PTPN6: variants seen among roughly 807,000 people sequenced by gnomAD.
The protein encoded by PTPN6 is tyrosine-protein phosphatase non-receptor type 6.
PTPN6 carries 18 observed loss-of-function variants against 81.5 expected under a neutral mutation model. That is an observed-to-expected ratio of 0.22 (90% CI 0.15 to 0.33). PTPN6 has a LOEUF of 0.33. Among genes scored for constraint, PTPN6 ranks in the 10% least tolerant of loss-of-function variants. PTPN6 has a pLI of 1.00. For missense variants in PTPN6, 500 were observed against 794.2 expected (o/e 0.63, Z 4.45); for synonymous variants, 301 against 310.9 (o/e 0.97, Z 0.33).
chr12:6,954,592 G>T lies in PTPN6; in HGVS notation c.327-213G>T, dbSNP rs56212533. ...CTAGGCCAGTGAGTAACAGCTCAGC[G>T]TCAGTTTCCTCATCTATAAAATGGG... On this transcript the variant is annotated intron_variant, in intron 3 of 15. Coordinates refer to ENST00000318974, the MANE Select transcript of PTPN6 (RefSeq NM_002831.6). The surrounding 1 kb of genome is among the most constrained non-coding windows in gnomAD (Gnocchi z 5.4). Among the ~76,000 whole-genome samples, 1 of 152,084 alleles carries T rather than the reference G, an allele frequency of 6.6e-6. No individual in the cohort carries two copies. Among genetic ancestry groups the T allele is most frequent in the South Asian group, 2.1e-4 (1 of 4,838 alleles).
upstream of PTPN6, among the ~76,000 whole-genome samples, chr12:6,949,638 C>A (rs1759439815): frequency 6.6e-6 from 1 of 152,032 alleles, no homozygotes; most frequent in African/African-American, 2.4e-5. Flanking sequence ...GCACTGAAAC[C>A]CTGCCACTTA....
chr12:6,950,965 C>T (rs1222392284), upstream of PTPN6, among the ~76,000 whole-genome samples: 1 of 152,182 alleles, frequency 6.6e-6, no homozygotes, highest in Admixed American at 6.5e-5. Context: ...TATAGCACAG[C>T]GCCCGGCATC....
chr12:6,949,920 T>C (rs1435206422), upstream of PTPN6, among the ~76,000 whole-genome samples: 1 of 143,012 alleles, frequency 7.0e-6, no homozygotes, highest in Non-Finnish European at 1.5e-5. Flanking sequence ...AAGCTGGGAT[T>C]ACAGGCATGT....
At position 6,960,662 on chromosome 12, in the gene PTPN6, G is replaced by A. The variant is rs1946122034; in HGVS notation, c.1674-144G>A. The A allele has an allele frequency of 6.5e-7, 1 of 1,550,368 alleles. No homozygotes were observed. The highest frequency in any genetic ancestry group is 8.7e-7 in the Non-Finnish European group (1 of 1,145,988). On this transcript the variant is annotated intron_variant, in intron 14 of 15. Coordinates refer to ENST00000318974, the MANE Select transcript of PTPN6 (RefSeq NM_002831.6). The surrounding 1 kb of genome is among the most constrained non-coding windows in gnomAD (Gnocchi z 6.1). ...TATGAGATGTAGCCTCTGTCCTCTA[G>A]GAGCTTGGAGTCTAGTGCAGGGACC...
rs200447993 is a variant in PTPN6 at position 6,955,792 on chromosome 12, C to T, written c.844+36C>T. On this transcript the variant is annotated intron_variant, in intron 7 of 15. Transcript: ENST00000318974. The surrounding 1 kb of genome is among the most constrained non-coding windows in gnomAD (Gnocchi z 7.2). ...AGGCTGCCCCATTCACCCAGGATAC[C>T]GCCCCTGCCCCAGCTGCCTCCCCTC... 2.4e-3 allele frequency: 3,752 copies of T among 1,580,634 alleles called. 8 individuals are homozygous for T. The highest frequency in any genetic ancestry group is 2.8e-3 in the Non-Finnish European group (3,229 of 1,150,332).
At position 6,957,417 on chromosome 12, in the gene PTPN6, C is replaced by T. The variant is rs782491075; in HGVS notation, c.1075-237C>T. Among the ~76,000 whole-genome samples the T allele has an allele frequency of 2.0e-5, 3 of 152,350 alleles. No individual in the cohort carries two copies. The highest frequency in any genetic ancestry group is 1.3e-4 in the Admixed American group (2 of 15,312). On this transcript the variant is annotated intron_variant, in intron 9 of 15. Transcript: ENST00000318974. This position sits in a 1 kb window ranked among gnomAD's most constrained non-coding sequence, Gnocchi z 6.5. ...CACAGCTTCGGGGACAATGCCTGCC[C>T]TGGCAACGTTTGTTGAATGACAAAC...
Position 6,960,909 on chromosome 12 carries a change from A to G in PTPN6, c.1777A>G (p.Lys593Glu). 6.4e-7 allele frequency: 1 copy of G among 1,569,654 alleles called. No individual in the cohort carries two copies. Among genetic ancestry groups the G allele is most frequent in the African/African-American group, 1.4e-5 (1 of 73,982 alleles). The change falls in exon 15 of 16, where the codon AAG (lysine) becomes GAG (glutamate). Residue 593 changes from lysine to glutamate, a missense_variant. Around this residue, in one of 6 missense-constraint regions of PTPN6, gnomAD observed 56 missense variants for 56.4 expected, o/e 0.99. Transcript: ENST00000318974. The surrounding 1 kb of genome is among the most constrained non-coding windows in gnomAD (Gnocchi z 6.1). ...ADKEKSKGSL[K>E]RK Reference sequence around the variant, plus strand: ...CAAGGAGAAGAGCAAGGGTTCCCTCAAGAGGAAGTGAGCGGTGCTGTCCTC... The same window carrying G: ...CAAGGAGAAGAGCAAGGGTTCCCTCGAGAGGAAGTGAGCGGTGCTGTCCTC...
At chr12:6,948,160 G>A (rs1288695985), upstream of PTPN6, among the ~76,000 whole-genome samples, 1 of 152,034 alleles carries the variant, frequency 6.6e-6, no homozygotes, top group Non-Finnish European at 1.5e-5. Context: ...CAAGCATGTG[G>A]TAGTCCTAGC....
chr12:6,958,448 C>G (rs1946072574), intron 11 of PTPN6, among the ~76,000 whole-genome samples: 1 of 152,258 alleles, frequency 6.6e-6, no homozygotes, highest in Non-Finnish European at 1.5e-5. Flanking sequence ...CTCGAGGTCC[C>G]ATTCTGTTGG....
Position 6,952,591 on chromosome 12 carries a change from G to A in PTPN6, c.326+414G>A. 2 of 292,902 alleles carry A rather than the reference G, an allele frequency of 6.8e-6. No individual in the cohort carries two copies. The highest frequency in any genetic ancestry group is 6.7e-6 in the Non-Finnish European group (1 of 148,760). 18.1% of individuals were successfully genotyped at this position (292,902 alleles called of 1,614,324 possible). A position where few individuals can be genotyped will look rare whatever the true frequency, so the allele number is the denominator to read the frequency against. On this transcript the variant is annotated intron_variant, in intron 3 of 15. Coordinates refer to ENST00000318974, the MANE Select transcript of PTPN6 (RefSeq NM_002831.6). The surrounding 1 kb of genome is among the most constrained non-coding windows in gnomAD (Gnocchi z 8.1). The stretch of plus-strand genomic sequence containing the variant: ...CCCCAGCACATGTTAGGACAGTGAG[G>A]AGCTGACACTGGGGTGAAGATGGGG...
Position 6,954,949 on chromosome 12 carries a change from C to A in PTPN6, c.471C>A (p.Gly157=). The A allele has an allele frequency of 6.2e-7, 1 of 1,614,176 alleles. No homozygotes were observed. Among genetic ancestry groups the A allele is most frequent in the Non-Finnish European group, 8.5e-7 (1 of 1,180,034 alleles). The part of the protein sequence containing the change: ...LSVLSDQPKA[G]PGSPLRVTHI... ...TGCTCAGTGACCAGCCCAAGGCTGG[C>A]CCAGGCTCCCCGCTCAGGGTCACCC... Residue 157 remains glycine, a synonymous_variant, in exon 4 of 16, where the codon GGC becomes GGA. Transcript: ENST00000318974. This position sits in a 1 kb window ranked among gnomAD's most constrained non-coding sequence, Gnocchi z 5.4.
chr12:6,959,773 A>T lies in PTPN6; in HGVS notation c.1362-154A>T. Reference sequence around the variant, plus strand: ...TCCATGCAGAGCTGGGCAAACCTCCATCATCACTTGCCCGGTGACCCTGGG... The same window carrying T: ...TCCATGCAGAGCTGGGCAAACCTCCTTCATCACTTGCCCGGTGACCCTGGG... On this transcript the variant is annotated intron_variant, in intron 11 of 15. Transcript: ENST00000318974. This position sits in a 1 kb window ranked among gnomAD's most constrained non-coding sequence, Gnocchi z 6.6. The T allele has an allele frequency of 1.2e-6, 1 of 808,460 alleles. No individual in the cohort carries two copies. The highest frequency in any genetic ancestry group is 2.1e-6 in the Non-Finnish European group (1 of 481,764). 50.1% of individuals were successfully genotyped at this position (808,460 alleles called of 1,614,324 possible). A position where few individuals can be genotyped will look rare whatever the true frequency, so the allele number is the denominator to read the frequency against.
chr12:6,947,047 C>T (rs1464178408), upstream of PTPN6, among the ~76,000 whole-genome samples: 2 of 152,304 alleles, frequency 1.3e-5, no homozygotes, highest in African/African-American at 4.8e-5. Context: ...CCCTGGGTAG[C>T]TCACAACACC....
At position 6,959,828 on chromosome 12, in the gene PTPN6, G is replaced by T; in HGVS notation, c.1362-99G>T. The T allele has an allele frequency of 7.7e-7, 1 of 1,299,002 alleles. No individual in the cohort carries two copies. 80.5% of individuals were successfully genotyped at this position (1,299,002 alleles called of 1,614,324 possible). A position where few individuals can be genotyped will look rare whatever the true frequency, so the allele number is the denominator to read the frequency against. The stretch of plus-strand genomic sequence containing the variant: ...TTCCCTCCCATCACTGGAGGCTCAG[G>T]CTGCTCCTGTGGTGCCTGGGGCTGG... On this transcript the variant is annotated intron_variant, in intron 11 of 15. Transcript: ENST00000318974. This position sits in a 1 kb window ranked among gnomAD's most constrained non-coding sequence, Gnocchi z 6.6.
Position 6,952,229 on chromosome 12 carries a change from C to T in PTPN6, c.326+52C>T. 2 of 1,602,152 alleles carry T rather than the reference C, an allele frequency of 1.2e-6. No individual in the cohort carries two copies. Among genetic ancestry groups the T allele is most frequent in the South Asian group, 2.2e-5 (2 of 90,746 alleles). On this transcript the variant is annotated intron_variant, in intron 3 of 15. Transcript: ENST00000318974. This position sits in a 1 kb window ranked among gnomAD's most constrained non-coding sequence, Gnocchi z 8.1. ...CCAAGCAGGGATGAGCCGGCTCCCA[C>T]CCTGAACAGCCAGGGAGGCAGGGAG...
Position 6,954,832 on chromosome 12 carries a change from G to A in PTPN6, c.354G>A (p.Gly118=), listed in dbSNP as rs1555148310. The A allele has an allele frequency of 6.2e-7, 1 of 1,614,066 alleles. No homozygotes were observed. Among genetic ancestry groups the A allele is most frequent in the South Asian group, 1.1e-5 (1 of 91,078 alleles). ...GGTACCATGGCCACATGTCTGGCGG[G>A]CAGGCAGAGACGCTGCTGCAGGCCA... is the stretch of plus-strand genomic sequence containing the variant. The part of the protein sequence containing the change: ...ERWYHGHMSG[G]QAETLLQAKG... Residue 118 remains glycine, a synonymous_variant, in exon 4 of 16, where the codon GGG becomes GGA. Transcript: ENST00000318974. This position sits in a 1 kb window ranked among gnomAD's most constrained non-coding sequence, Gnocchi z 5.4.
At position 6,958,194 on chromosome 12, in the gene PTPN6, C is replaced by T. The variant is rs782074709; in HGVS notation, c.1361+121C>T. The T allele has an allele frequency of 2.7e-4, 368 of 1,370,518 alleles. 1 individual carries two copies. The highest frequency in any genetic ancestry group is 3.4e-4 in the Non-Finnish European group (341 of 996,572). 84.9% of individuals were successfully genotyped at this position (1,370,518 alleles called of 1,614,324 possible). A position where few individuals can be genotyped will look rare whatever the true frequency, so the allele number is the denominator to read the frequency against. On this transcript the variant is annotated intron_variant, in intron 11 of 15. Transcript: ENST00000318974. The stretch of plus-strand genomic sequence containing the variant: ...ACATTGAGTGCCCTCCGCTCACCCC[C>T]GGCTTCTCCTGGGTCCCCTCATGGC...
chr12:6,956,040 T>C lies in PTPN6; in HGVS notation c.845-102T>C, dbSNP rs995970794. The C allele has an allele frequency of 1.2e-5, 15 of 1,227,236 alleles. No individual in the cohort carries two copies. Among genetic ancestry groups the C allele is most frequent in the Admixed American group, 1.8e-5 (1 of 55,080 alleles). The allele number at this position is 1,227,236 out of a possible 1,614,324, so 76.0% of individuals were successfully genotyped here. ...CACAGTCCCCCGCAAGCCTCATGGC[T>C]TCTGAGACCAGAATGGCCTGTTAGC... On this transcript the variant is annotated intron_variant, in intron 7 of 15. Transcript: ENST00000318974. This position sits in a 1 kb window ranked among gnomAD's most constrained non-coding sequence, Gnocchi z 4.1.
rs112147972 is a variant in PTPN6, at chr12:6,956,853, C to T, written c.1074+285C>T. Reference sequence around the variant, plus strand: ...TCCAGGCCCCTCCTGTCCTCCCTGCCCCATAGATCTCTCTGGAGTCTGCCC... The same window carrying T: ...TCCAGGCCCCTCCTGTCCTCCCTGCTCCATAGATCTCTCTGGAGTCTGCCC... On this transcript the variant is annotated intron_variant, in intron 9 of 15. Transcript: ENST00000318974. The surrounding 1 kb of genome is among the most constrained non-coding windows in gnomAD (Gnocchi z 4.1). Among the ~76,000 whole-genome samples the T allele has an allele frequency of 2.3e-3, 345 of 152,232 alleles. 3 individuals are homozygous for T. Among genetic ancestry groups the T allele is most frequent in the African/African-American group, 6.7e-3 (277 of 41,512 alleles).
Sources: allele counts gnomAD v4.1 joint callset (sites outside exome capture counted in the v4.1 genomes callset), GRCh38; gene constraint gnomAD v4.1.1; regional missense constraint gnomAD v4.1.1; non-coding constraint Gnocchi (gnomAD v3.1); transcripts MANE v1.5; gene names NCBI Gene and HGNC (gene_info 2026-07-23, HGNC 2026-07-21).